CHIT1: variants seen among roughly 807,000 people sequenced by gnomAD.
CHIT1 encodes chitotriosidase-1.
In CHIT1, 47 loss-of-function variants were observed where a neutral mutation model predicts 52.0. The observed-to-expected ratio is 0.90, with a 90% confidence interval of 0.71 to 1.15. CHIT1 has a LOEUF of 1.15. Ranked by LOEUF, CHIT1 falls within the 50% of genes most tolerant of loss-of-function variation. The pLI, the probability that CHIT1 is intolerant of heterozygous loss-of-function variation, is 0.00. For synonymous variants in CHIT1, 242 were observed against 228.2 expected, an observed-to-expected ratio of 1.06 and a Z score of -0.54; for missense variants, 569 against 583.0, an observed-to-expected ratio of 0.98 and a Z score of 0.25.
In CHIT1 at chr1:203,225,723, G is replaced by A. The variant is rs368917554; in HGVS notation, c.203C>T (p.Thr68Ile). The part of the protein sequence containing the change: ...FAGMTNHQLS[T>I]TEWNDETLYQ... ...GAGAGTCTCGTCATTCCACTCAGTG[G>A]TGCTCAGCTGGTGGTTGGTCATGCC... Residue 68 changes from threonine (T) to isoleucine (I), a missense_variant, in exon 3 of 11, where the codon ACC (threonine) becomes ATC (isoleucine). Coordinates refer to ENST00000367229, the MANE Select transcript of CHIT1 (RefSeq NM_003465.3). 4.3e-6 allele frequency: 7 copies of A among 1,614,070 alleles called. No individual in the cohort carries two copies. The highest frequency in any genetic ancestry group is 5.1e-6 in the Non-Finnish European group (6 of 1,180,032).
chr1:203,223,042 T>A (rs554906802), intron 6 of CHIT1, 93 bp downstream of exon 6: 2 of 1,546,830 alleles, frequency 1.3e-6, no homozygotes, highest in African/African-American at 2.7e-5. Context: ...GCCTTGTAGA[T>A]GAACACCTGC....
At chr1:203,229,948 T>G, upstream of CHIT1, 1 of 443,620 alleles carries the variant, frequency 2.3e-6, no homozygotes, top group Non-Finnish European at 4.2e-6. Flanking sequence ...ACTTTCTTTG[T>G]GTAGTTGGTG....
chr1:203,223,174 G>T lies in CHIT1; in HGVS notation c.566C>A (p.Thr189Asn), dbSNP rs1656800170. Residue 189 changes from threonine (T) to asparagine (N), a missense_variant, in exon 6 of 11, where the codon ACC becomes AAC. Transcript: ENST00000367229. ...CACCTCGTATCCAGCATCCACATAG[G>T]TCTGCCCAGCTGGAACCGCTGCACT... ...LLSAAVPAGQ[T>N]YVDAGYEVDK... 6.2e-7 allele frequency: 1 copy of T among 1,614,048 alleles called. No homozygotes were observed. The highest frequency in any genetic ancestry group is 8.5e-7 in the Non-Finnish European group (1 of 1,180,032).
At chr1:203,224,801 C>T (rs1050894744) in intron 4 of CHIT1, among the ~76,000 whole-genome samples, 3 of 152,180 alleles carry the variant, frequency 2.0e-5, no homozygotes, top group Non-Finnish European at 2.9e-5. Context: ...GAGCCCTCTG[C>T]TGTGTTTAGA....
Position 203,219,763 on chromosome 1 carries a change from T to G in CHIT1, c.816A>C (p.Thr272=). 6.2e-7 allele frequency: 1 copy of G among 1,613,650 alleles called. No homozygotes were observed. Among genetic ancestry groups the G allele is most frequent in the Non-Finnish European group, 8.5e-7 (1 of 1,179,962 alleles). Residue 272 remains threonine (T), a synonymous_variant, in exon 8 of 11, where the codon ACA becomes ACC. Coordinates refer to ENST00000367229, the MANE Select transcript of CHIT1 (RefSeq NM_003465.3). ...LGMPTYGRSF[T]LASSSDTRVG... ...CTCTGGTGTCTGATGAGGAGGCCAG[T>G]GTGAAGGAGCGTCCGTAGGTAGGCA...
rs764495681 is a variant in CHIT1, at chr1:203,222,224, C to T, written c.707G>A (p.Gly236Asp). Residue 236 changes from glycine to aspartate, a missense_variant, in exon 7 of 11, where the codon GGT becomes GAT. Transcript: ENST00000367229. ...TACCACGTTGAGGCTGGCTGCTGCA[C>T]CACTCTCTTCTTGCCTCTTGTAGAG... ...SPLYKRQEES[G>D]AAASLNVDAA... 3.1e-6 allele frequency: 5 copies of T among 1,614,042 alleles called. No individual in the cohort carries two copies. The highest frequency in any genetic ancestry group is 1.7e-4 in the Middle Eastern group (1 of 6,048).
chr1:203,221,727 C>G (rs1174202141), intron 7 of CHIT1, among the ~76,000 whole-genome samples: 1 of 152,190 alleles, frequency 6.6e-6, no homozygotes, highest in Non-Finnish European at 1.5e-5. Flanking sequence ...CAAGCCTGCC[C>G]TTTGCAGGTG....
At position 203,225,767 on chromosome 1, in the gene CHIT1, G is replaced by T; in HGVS notation, c.159C>A (p.His53Gln). The T allele has an allele frequency of 6.2e-7, 1 of 1,614,210 alleles. No homozygotes were observed. The highest frequency in any genetic ancestry group is 8.5e-7 in the Non-Finnish European group (1 of 1,180,032). ...PKDLDPSLCT[H>Q]LIYAFAGMTN... ...TCATGCCAGCGAAGGCGTAGATGAG[G>T]TGGGTGCAAAGGCTGGGGTCCAAGT... is the stretch of plus-strand genomic sequence containing the variant. Residue 53 changes from histidine (H) to glutamine (Q), a missense_variant, in exon 3 of 11, where the codon CAC becomes CAA. His to Gln is a conservative substitution (Grantham distance 24, BLOSUM62 0). Coordinates refer to ENST00000367229, the MANE Select transcript of CHIT1 (RefSeq NM_003465.3).
rs190013797 is a variant in CHIT1 at position 203,224,304 on chromosome 1, A to G, written c.315-644T>C. Among the ~76,000 whole-genome samples the G allele has an allele frequency of 8.9e-4, 136 of 152,270 alleles. 1 individual carries two copies. Among genetic ancestry groups the G allele is most frequent in the African/African-American group, 3.2e-3 (135 of 41,562 alleles). The stretch of plus-strand genomic sequence containing the variant: ...TAGTGGGAAGTCCCTGAACTTCTTG[A>G]GGGGGTCTCAAGTTCTTTACAGATT... On this transcript the variant is annotated intron_variant, in intron 4 of 10. Coordinates refer to ENST00000367229, the MANE Select transcript of CHIT1 (RefSeq NM_003465.3).
rs1196932310 is a variant in CHIT1 at position 203,219,248 on chromosome 1, C to T, written c.997G>A (p.Gly333Ser). The T allele has an allele frequency of 6.2e-7, 1 of 1,611,376 alleles. No homozygotes were observed. The change falls in exon 9 of 11, where the codon GGC becomes AGC. Residue 333 changes from glycine to serine, a missense_variant. Physicochemically the swap from Gly to Ser is moderately conservative, Grantham distance 56. Coordinates refer to ENST00000367229, the MANE Select transcript of CHIT1 (RefSeq NM_003465.3). ...PYIFRDNQWV[G>S]FDDVESFKTK... ...TTGAAGCTCTCCACATCATCAAAGC[C>T]CACCCACTGGTTGTCCCGGAAGATG... is the stretch of plus-strand genomic sequence containing the variant.
Position 203,216,994 on chromosome 1 carries a change from C to T in CHIT1, c.1296G>A (p.Arg432=), listed in dbSNP as rs1656555632. ...GKADGLYPNP[R]ERSSFYSCAA... is the part of the protein sequence containing the mutation. The stretch of plus-strand genomic sequence containing the variant: ...CACAGCTGTAGAAGCTGGACCGTTC[C>T]CGAGGATTGGGATAGAGCCCATCAG... Residue 432 remains arginine, a synonymous_variant, in exon 11 of 11, where the codon CGG becomes CGA. Transcript: ENST00000367229. 1 of 1,614,050 alleles carries T rather than the reference C, an allele frequency of 6.2e-7. No individual in the cohort carries two copies. The highest frequency in any genetic ancestry group is 8.5e-7 in the Non-Finnish European group (1 of 1,180,006).
At chr1:203,221,004 C>T (rs1366826557) in intron 7 of CHIT1, among the ~76,000 whole-genome samples, 1 of 152,210 alleles carries the variant, frequency 6.6e-6, no homozygotes, top group Non-Finnish European at 1.5e-5. Context: ...TTCTGTGTCT[C>T]CCCACCAGCA....
intron 6 of CHIT1, 132 bp downstream of exon 6, chr1:203,223,003 T>C: frequency 8.0e-7 from 1 of 1,243,448 alleles, no homozygotes; most frequent in Non-Finnish European, 1.2e-6. Flanking sequence ...TCTGCTTTTG[T>C]TCTGGTGTAA....
chr1:203,216,172 C>T lies in CHIT1; in HGVS notation c.*717G>A, dbSNP rs1357346315. 1 of 454,084 alleles carries T rather than the reference C, an allele frequency of 2.2e-6. No homozygotes were observed. Among genetic ancestry groups the T allele is most frequent in the East Asian group, 6.9e-5 (1 of 14,396 alleles). 28.1% of individuals were successfully genotyped at this position (454,084 alleles called of 1,614,324 possible). ...TTCTGGACTCAGAATTGGTTAGAAT[C>T]AGTCTTCAGTTTAAATGCCTATAAA... On this transcript the variant is annotated 3_prime_UTR_variant, in exon 11 of 11. Coordinates refer to ENST00000367229, the MANE Select transcript of CHIT1 (RefSeq NM_003465.3).
chr1:203,218,087 A>T, intron 9 of CHIT1: 2 of 1,499,116 alleles, frequency 1.3e-6, no homozygotes, highest in Non-Finnish European at 1.8e-6. Flanking sequence ...TAACGTAAGC[A>T]TGACCTGGGG....
chr1:203,217,829 T>G lies in CHIT1; in HGVS notation c.1066A>C (p.Met356Leu). ...YLKQKGLGGA[M>L]VWALDLDDFA... Reference sequence around the variant, plus strand: ...TCATCTAAGTCCAGTGCCCAGACCATGGCCCCGCCCAGTCCCTTCTGCTTC... The same window carrying G: ...TCATCTAAGTCCAGTGCCCAGACCAGGGCCCCGCCCAGTCCCTTCTGCTTC... Residue 356 changes from methionine to leucine, a missense_variant, in exon 10 of 11, where the codon ATG (methionine) becomes CTG (leucine). Met to Leu is a conservative substitution (Grantham distance 15). Transcript: ENST00000367229. 6.2e-7 allele frequency: 1 copy of G among 1,614,076 alleles called. No homozygotes were observed.
intron 1 of CHIT1, 54 bp downstream of exon 1, chr1:203,229,558 A>G: frequency 6.2e-7 from 1 of 1,606,334 alleles, no homozygotes; most frequent in Non-Finnish European, 8.5e-7. Flanking sequence ...CTGAACATCC[A>G]CATCCCCACC....
rs377228239 is a variant in CHIT1, at chr1:203,220,475, C to T, written c.730-626G>A. 1.3e-4 allele frequency among the ~76,000 whole-genome samples: 20 copies of T among 152,190 alleles called. 3 individuals carry two copies. Among genetic ancestry groups the T allele is most frequent in the East Asian group, 3.9e-4 (2 of 5,186 alleles). Reference sequence around the variant, plus strand: ...TCAGATAGAACAAAGGCTTCCTTACCCACCTTTGAATAAGGCCTTCCCCTG... The same window carrying T: ...TCAGATAGAACAAAGGCTTCCTTACTCACCTTTGAATAAGGCCTTCCCCTG... On this transcript the variant is annotated intron_variant, in intron 7 of 10. Transcript: ENST00000367229.
chr1:203,219,358 G>A (rs1220709658), intron 8 of CHIT1, 29 bp from the exon 9 acceptor site: 1 of 1,283,648 alleles, frequency 7.8e-7, no homozygotes, highest in Non-Finnish European at 1.1e-6. Flanking sequence ...GCACTGGGGA[G>A]GAGGAGGGAG....
Sources: gnomAD v4.1 joint callset for allele counts (sites outside exome capture counted in the v4.1 genomes callset) on GRCh38, gnomAD v4.1.1 for gene constraint, MANE v1.5 for transcripts, NCBI Gene and HGNC (gene_info 2026-07-23, HGNC 2026-07-21) for gene names.